ERN1: variants seen among roughly 807,000 people sequenced by gnomAD.
ERN1 encodes endoplasmic reticulum to nucleus signaling 1, also known as serine/threonine-protein kinase/endoribonuclease IRE1.
A neutral mutation model predicts 113.1 loss-of-function variants in ERN1; 39 were observed. That is an observed-to-expected ratio of 0.34 (90% CI 0.27 to 0.45). The LOEUF is 0.45. Ranked by LOEUF, ERN1 falls within the 20% of genes least tolerant of loss-of-function variation. The pLI is 1.00. For synonymous variants in ERN1, 507 were observed against 515.9 expected (o/e 0.98, Z 0.23); for missense variants, 976 against 1,274.8 (o/e 0.77, Z 3.57).
Position 64,055,823 on chromosome 17 carries a change from G to C in ERN1, c.1524C>G (p.Gly508=). ...FHPPGDTAQD[G]ELLDTSGPYS... is the part of the protein sequence containing the mutation. ...ACGGGCCAGACGTGTCCAGGAGCTC[G>C]CCGTCCTGAGCCGTGTCTCCAGGTG... is the stretch of plus-strand genomic sequence containing the variant. The change falls in exon 13 of 22, where the codon GGC becomes GGG. Residue 508 remains glycine, a synonymous_variant. Transcript: ENST00000433197. 6.4e-7 allele frequency: 1 copy of C among 1,559,296 alleles called. No homozygotes were observed. The highest frequency in any genetic ancestry group is 8.7e-7 in the Non-Finnish European group (1 of 1,151,872).
In ERN1 at chr17:64,054,793, A is replaced by T. The variant is rs776420565; in HGVS notation, c.1708T>A (p.Ser570Thr). 8.7e-6 allele frequency: 14 copies of T among 1,610,264 alleles called. No individual in the cohort carries two copies. Among genetic ancestry groups the T allele is most frequent in the Non-Finnish European group, 1.2e-5 (14 of 1,178,558 alleles). Residue 570 changes from serine to threonine, a missense_variant, in exon 14 of 22, where the codon TCC (serine) becomes ACC (threonine). Coordinates refer to ENST00000433197, the MANE Select transcript of ERN1 (RefSeq NM_001433.5). This position sits in a 1 kb window ranked among gnomAD's most constrained non-coding sequence, Gnocchi z 4.9. Reference sequence around the variant, plus strand: ...CCCAGGACATCCTTGGGACAGAAGGAAATTTTCCCAACTATCACCACGCTG... The same window carrying T: ...CCCAGGACATCCTTGGGACAGAAGGTAATTTTCCCAACTATCACCACGCTG... ...ETSVVIVGKI[S>T]FCPKDVLGHG...
rs530425367 is a variant in ERN1, at chr17:64,061,834, C to T, written c.1088-1247G>A. On this transcript the variant is annotated intron_variant, in intron 10 of 21. Coordinates refer to ENST00000433197, the MANE Select transcript of ERN1 (RefSeq NM_001433.5). Reference sequence around the variant, plus strand: ...AAGTGAGGTGTTCTTCCACATGCCACGCTGTGCAGCAGTGTCCTGCCCTTC... The same window carrying T: ...AAGTGAGGTGTTCTTCCACATGCCATGCTGTGCAGCAGTGTCCTGCCCTTC... 5.3e-5 allele frequency among the ~76,000 whole-genome samples: 8 copies of T among 152,344 alleles called. No homozygotes were observed. In the South Asian group the frequency reaches 6.2e-4, roughly 12 times the overall value.
At position 64,045,437 on chromosome 17, in the gene ERN1, C is replaced by T. The variant is rs200817469; in HGVS notation, c.2575G>A (p.Val859Met). The T allele has an allele frequency of 3.0e-5, 48 of 1,613,998 alleles. 1 individual carries two copies. In the South Asian group the frequency reaches 3.1e-4, roughly 10 times the overall value. The change falls in exon 20 of 22, where the codon GTG (valine) becomes ATG (methionine). Residue 859 changes from valine (V) to methionine (M), a missense_variant. Val to Met is a conservative substitution (Grantham distance 21, BLOSUM62 1). This residue lies in a region of ERN1 where 297 missense variants were observed against 457.8 expected (regional missense o/e 0.65). Coordinates refer to ENST00000433197, the MANE Select transcript of ERN1 (RefSeq NM_001433.5). The stretch of plus-strand genomic sequence containing the variant: ...CTCCCGCCTCTCTCTAACTGCTTCA[C>T]GATCGGGCCATCCAGGGATTCCTTT... ...IEKESLDGPI[V>M]KQLERGGRAV...
intron 9 of ERN1, 68 bp downstream of exon 9, chr17:64,065,141 A>G: frequency 8.8e-7 from 1 of 1,140,826 alleles, no homozygotes; most frequent in Non-Finnish European, 1.3e-6. Flanking sequence ...CATGCATAGC[A>G]AAGTCATTCT....
At chr17:64,085,314 C>T (rs534170953) in intron 2 of ERN1, among the ~76,000 whole-genome samples, 2 of 152,316 alleles carry the variant, frequency 1.3e-5, no homozygotes, top group South Asian at 4.1e-4. Flanking sequence ...CTTCTGGCTG[C>T]TTCCACTAGT....
chr17:64,079,749 A>T lies in ERN1; in HGVS notation c.210-15T>A. On this transcript the variant is annotated splice_polypyrimidine_tract_variant and intron_variant, in intron 3 of 21. Transcript: ENST00000433197. ...GAAAGGCAGGCCTAGAGATTAAATA[A>T]TAAATATCAAAGATAAATTACAGCC... 4 of 1,603,978 alleles carry T rather than the reference A, an allele frequency of 2.5e-6. No individual in the cohort carries two copies. Among genetic ancestry groups the T allele is most frequent in the Non-Finnish European group, 3.4e-6 (4 of 1,172,024 alleles).
intron 2 of ERN1, among the ~76,000 whole-genome samples, chr17:64,095,208 C>A (rs953482682): frequency 6.6e-6 from 1 of 152,146 alleles, no homozygotes; most frequent in African/African-American, 2.4e-5. Flanking sequence ...AGAGGCAGAT[C>A]ACTTGAGGCC....
At chr17:64,050,051 G>A (rs1346459495) in intron 17 of ERN1, among the ~76,000 whole-genome samples, 2 of 152,160 alleles carry the variant, frequency 1.3e-5, no homozygotes, top group Non-Finnish European at 2.9e-5. Context: ...CTTGTGAGGC[G>A]AGCAGAGCAA....
rs77684 is a variant in ERN1 at position 64,049,624 on chromosome 17, C to T, written c.2254-422G>A. Among the ~76,000 whole-genome samples, 89,376 of 152,054 alleles carry T rather than the reference C, an allele frequency of 0.59. 30,333 individuals are homozygous for T. The highest frequency in any genetic ancestry group is 0.77 in the South Asian group (3,692 of 4,814). On this transcript the variant is annotated intron_variant, in intron 17 of 21. Coordinates refer to ENST00000433197, the MANE Select transcript of ERN1 (RefSeq NM_001433.5). This position sits in a 1 kb window ranked among gnomAD's most constrained non-coding sequence, Gnocchi z 4.7. The stretch of plus-strand genomic sequence containing the variant: ...GTGTCGTTGCTTCCCTGCTGTACCC[C>T]CAGGGCCCAGAATGGTGCCTGCACA...
chr17:64,109,747 C>A (rs946141848), intron 1 of ERN1, among the ~76,000 whole-genome samples: 1 of 152,190 alleles, frequency 6.6e-6, no homozygotes, highest in East Asian at 1.9e-4. Context: ...GCCCAGGGCA[C>A]CACAGACAGT....
rs76131554 is a variant in ERN1, at chr17:64,083,912, T to C, written c.176-3104A>G. ...TTTCCTTTGTCCAAGTTCATAAGGGTAAAGTTTTAAACATTTCTGTCCCCA... is the reference window on the plus strand; with the variant it reads ...TTTCCTTTGTCCAAGTTCATAAGGGCAAAGTTTTAAACATTTCTGTCCCCA... On this transcript the variant is annotated intron_variant, in intron 2 of 21. Transcript: ENST00000433197. Among the ~76,000 whole-genome samples, 323 of 152,264 alleles carry C rather than the reference T, an allele frequency of 2.1e-3. 4 individuals carry two copies. The highest frequency in any genetic ancestry group is 7.5e-3 in the African/African-American group (311 of 41,554).
chr17:64,054,569 G>T lies in ERN1; in HGVS notation c.1764-130C>A. The T allele has an allele frequency of 9.4e-7, 1 of 1,059,036 alleles. No homozygotes were observed. The highest frequency in any genetic ancestry group is 1.4e-6 in the Non-Finnish European group (1 of 734,974). 65.6% of individuals were successfully genotyped at this position (1,059,036 alleles called of 1,614,324 possible). A position where few individuals can be genotyped will look rare whatever the true frequency, so the allele number is the denominator to read the frequency against. ...GAGAGCCCCGCCTGACTGCCTGGTGGCCCCGGAATCATCGCTTGTCTCAGT... is the reference window on the plus strand; with the variant it reads ...GAGAGCCCCGCCTGACTGCCTGGTGTCCCCGGAATCATCGCTTGTCTCAGT... On this transcript the variant is annotated intron_variant, in intron 14 of 21. Transcript: ENST00000433197. This position sits in a 1 kb window ranked among gnomAD's most constrained non-coding sequence, Gnocchi z 4.9.
chr17:64,060,074 A>C (rs1913003324), intron 11 of ERN1, among the ~76,000 whole-genome samples: 1 of 151,582 alleles, frequency 6.6e-6, no homozygotes, highest in South Asian at 2.1e-4. Context: ...CCCATTTCCT[A>C]CTACCCCCTA....
In ERN1 at chr17:64,063,142, C is replaced by A. The variant is rs1455644332; in HGVS notation, c.1087+844G>T. On this transcript the variant is annotated intron_variant, in intron 10 of 21. Coordinates refer to ENST00000433197, the MANE Select transcript of ERN1 (RefSeq NM_001433.5). This position sits in a 1 kb window ranked among gnomAD's most constrained non-coding sequence, Gnocchi z 5.1. Reference sequence around the variant, plus strand: ...GGAAGAGAACAGAGAGAAGAAACTGCACCGGCCCCTGGGTGCTCCAGCACC... The same window carrying A: ...GGAAGAGAACAGAGAGAAGAAACTGAACCGGCCCCTGGGTGCTCCAGCACC... 6.6e-6 allele frequency among the ~76,000 whole-genome samples: 1 copy of A among 152,270 alleles called. No individual in the cohort carries two copies. The highest frequency in any genetic ancestry group is 2.4e-5 in the African/African-American group (1 of 41,474).
intron 20 of ERN1, 27 bp downstream of exon 20, chr17:64,045,332 C>T: frequency 6.2e-7 from 1 of 1,613,404 alleles, no homozygotes; most frequent in Non-Finnish European, 8.5e-7. Context: ...TTGCAACCTG[C>T]CCTCTCACAC....
intron 1 of ERN1, among the ~76,000 whole-genome samples, chr17:64,126,314 C>A (rs1317132596): frequency 1.3e-5 from 2 of 152,114 alleles, no homozygotes. Flanking sequence ...AAATATTGAA[C>A]CTACATATTA....
At chr17:64,086,031 T>C (rs143655976) in intron 2 of ERN1, among the ~76,000 whole-genome samples, 248 of 152,324 alleles carry the variant, frequency 1.6e-3, no homozygotes, top group African/African-American at 5.6e-3. Context: ...GGGACAATGC[T>C]TTTGTCTTCA....
intron 1 of ERN1, among the ~76,000 whole-genome samples, chr17:64,100,865 T>C (rs1304271707): frequency 6.6e-6 from 1 of 152,116 alleles, no homozygotes; most frequent in Non-Finnish European, 1.5e-5. Context: ...TGGAAAAAGC[T>C]GAATGAGAAA....
chr17:64,056,915 C>T (rs1047021751), intron 12 of ERN1, among the ~76,000 whole-genome samples: 2 of 152,178 alleles, frequency 1.3e-5, no homozygotes, highest in Admixed American at 1.3e-4. Flanking sequence ...CATTCCCATT[C>T]CTGGGCGGGT....
Sources: gnomAD v4.1 joint callset for allele counts (sites outside exome capture counted in the v4.1 genomes callset) on GRCh38, gnomAD v4.1.1 for gene constraint, gnomAD v4.1.1 regional missense constraint, Gnocchi (gnomAD v3.1) non-coding constraint, MANE v1.5 for transcripts, NCBI Gene and HGNC (gene_info 2026-07-23, HGNC 2026-07-21) for gene names.